Variants in GAL3ST2 observed in about 807,000 individuals in gnomAD.
The protein encoded by GAL3ST2 is galactose-3-O-sulfotransferase 2.
GAL3ST2 carries 16 observed loss-of-function variants against 12.9 expected under a neutral mutation model. The observed-to-expected ratio is 1.24, with a 90% CI of 0.84 to 1.88. The LOEUF (loss-of-function observed/expected upper bound fraction) is 1.88. Among genes scored for constraint, GAL3ST2 ranks in the 40% most tolerant of loss-of-function variants. The pLI, the probability that GAL3ST2 is intolerant of heterozygous loss-of-function variation, is 0.00. For missense variants in GAL3ST2, 639 were observed against 571.8 expected, an observed-to-expected ratio of 1.12 and a Z score of -1.20; for synonymous variants, 302 against 273.9, an observed-to-expected ratio of 1.10 and a Z score of -1.01.
chr2:241,789,078 G>A (rs1231204635), intron 1 of GAL3ST2, among the ~76,000 whole-genome samples: 1 of 152,152 alleles, frequency 6.6e-6, no homozygotes, highest in African/African-American at 2.4e-5. Context: ...TTTACATTAA[G>A]GAAAAAAGAG....
rs771405587 is a variant in GAL3ST2 at position 241,801,931 on chromosome 2, C to T, written c.270C>T (p.Val90=). 3.7e-6 allele frequency: 6 copies of T among 1,613,028 alleles called. No individual in the cohort carries two copies. In the Admixed American group the frequency reaches 1.0e-4, roughly 27 times the overall value. ...LSVALPAGSR[V]HLGYPWLFLA... Reference sequence around the variant, plus strand: ...TGGCGCTGCCCGCCGGCTCACGCGTCCACCTGGGCTACCCCTGGCTCTTCC... The same window carrying T: ...TGGCGCTGCCCGCCGGCTCACGCGTTCACCTGGGCTACCCCTGGCTCTTCC... Residue 90 remains valine (V), a synonymous_variant, in exon 3 of 4, where the codon GTC becomes GTT. Coordinates refer to ENST00000192314, the MANE Select transcript of GAL3ST2 (RefSeq NM_022134.3). This position sits in a 1 kb window ranked among gnomAD's most constrained non-coding sequence, Gnocchi z 4.4.
chr2:241,803,665 G>A lies in GAL3ST2; in HGVS notation c.696G>A (p.Glu232=), dbSNP rs780111698. The part of the protein sequence containing the change: ...RLVLIAEHLD[E]SLVLLRRRLR... Reference sequence around the variant, plus strand: ...TGCTCATCGCCGAGCACCTGGACGAGTCCCTGGTGCTGCTGCGGCGCCGGC... The same window carrying A: ...TGCTCATCGCCGAGCACCTGGACGAATCCCTGGTGCTGCTGCGGCGCCGGC... Residue 232 remains glutamate, a synonymous_variant, in exon 4 of 4, where the codon GAG becomes GAA. Coordinates refer to ENST00000192314, the MANE Select transcript of GAL3ST2 (RefSeq NM_022134.3). 1.3e-6 allele frequency: 2 copies of A among 1,549,158 alleles called. No individual in the cohort carries two copies. Among genetic ancestry groups the A allele is most frequent in the Admixed American group, 3.9e-5 (2 of 50,954 alleles).
intron 1 of GAL3ST2, among the ~76,000 whole-genome samples, chr2:241,779,012 A>G (rs1699529049): frequency 6.6e-6 from 1 of 151,132 alleles, no homozygotes; most frequent in African/African-American, 2.4e-5. Context: ...TCCCAGCTAG[A>G]CTCCTCCCTT....
In GAL3ST2 at chr2:241,801,971, G is replaced by A; in HGVS notation, c.310G>A (p.Glu104Lys). The change falls in exon 3 of 4, where the codon GAA (glutamate) becomes AAA (lysine). Residue 104 changes from glutamate to lysine, a missense_variant. Physicochemically the swap from Glu to Lys is moderately conservative, Grantham distance 56. Coordinates refer to ENST00000192314, the MANE Select transcript of GAL3ST2 (RefSeq NM_022134.3). This position sits in a 1 kb window ranked among gnomAD's most constrained non-coding sequence, Gnocchi z 4.4. ...YPWLFLARYV[E>K]GVGSQQRFNI... Reference sequence around the variant, plus strand: ...CTGGCTCTTCCTGGCGCGCTACGTGGAAGGCGTGGGGTCGCAGCAGCGCTT... The same window carrying A: ...CTGGCTCTTCCTGGCGCGCTACGTGAAAGGCGTGGGGTCGCAGCAGCGCTT... 1.2e-6 allele frequency: 2 copies of A among 1,612,992 alleles called. No homozygotes were observed. The highest frequency in any genetic ancestry group is 1.7e-6 in the Non-Finnish European group (2 of 1,179,934).
intron 1 of GAL3ST2, among the ~76,000 whole-genome samples, chr2:241,785,547 C>T (rs539373751): frequency 7.2e-6 from 1 of 139,242 alleles, no homozygotes; most frequent in East Asian, 2.1e-4. Context: ...GATGAAACTC[C>T]GTCTCAAAAA....
rs1699830360 is a variant in GAL3ST2, at chr2:241,800,563, G to A, written c.120-1218G>A. On this transcript the variant is annotated intron_variant, in intron 2 of 3. Coordinates refer to ENST00000192314, the MANE Select transcript of GAL3ST2 (RefSeq NM_022134.3). This position sits in a 1 kb window ranked among gnomAD's most constrained non-coding sequence, Gnocchi z 5.2. ...ACTGCGTTACAATCAGGCCCTGCAC[G>A]TCAGAAGGTGGAGCCGGGACGGGAA... Among the ~76,000 whole-genome samples the A allele has an allele frequency of 2.6e-5, 4 of 152,200 alleles. No individual in the cohort carries two copies. In the South Asian group the frequency reaches 6.2e-4, roughly 24 times the overall value.
rs1209077667 is a variant in GAL3ST2 at position 241,802,968 on chromosome 2, G to A, written c.376-377G>A. Among the ~76,000 whole-genome samples the A allele has an allele frequency of 6.6e-6, 1 of 151,902 alleles. No homozygotes were observed. Among genetic ancestry groups the A allele is most frequent in the Non-Finnish European group, 1.5e-5 (1 of 67,928 alleles). On this transcript the variant is annotated intron_variant, in intron 3 of 3. Transcript: ENST00000192314. The surrounding 1 kb of genome is among the most constrained non-coding windows in gnomAD (Gnocchi z 4.8). ...GAAGCCCCCTGTGCCAGGGGCCCGT[G>A]GAGGGCCCTTCGTGCTGTCTGTGCG...
Position 241,801,917 on chromosome 2 carries a change from G to A in GAL3ST2, c.256G>A (p.Ala86Thr). 7 of 1,612,974 alleles carry A rather than the reference G, an allele frequency of 4.3e-6. No individual in the cohort carries two copies. Among genetic ancestry groups the A allele is most frequent in the Non-Finnish European group, 5.1e-6 (6 of 1,179,944 alleles). ...CCACAACCTGTCCGTGGCGCTGCCC[G>A]CCGGCTCACGCGTCCACCTGGGCTA... ...ETHNLSVALP[A>T]GSRVHLGYPW... Residue 86 changes from alanine to threonine, a missense_variant, in exon 3 of 4, where the codon GCC (alanine) becomes ACC (threonine). By Grantham distance (58) the Ala-to-Thr change is moderately conservative. Coordinates refer to ENST00000192314, the MANE Select transcript of GAL3ST2 (RefSeq NM_022134.3). This position sits in a 1 kb window ranked among gnomAD's most constrained non-coding sequence, Gnocchi z 4.4.
chr2:241,803,329 C>G lies in GAL3ST2; in HGVS notation c.376-16C>G, dbSNP rs773127369. On this transcript the variant is annotated splice_polypyrimidine_tract_variant and intron_variant, in intron 3 of 3. Transcript: ENST00000192314. ...TGGGCCCGCGGTCCGCAGCCCGCCTCTCTGTCGCCACACAGGTGCAGAAAG... is the reference window on the plus strand; with the variant it reads ...TGGGCCCGCGGTCCGCAGCCCGCCTGTCTGTCGCCACACAGGTGCAGAAAG... The G allele has an allele frequency of 1.3e-6, 2 of 1,574,610 alleles. No individual in the cohort carries two copies. The highest frequency in any genetic ancestry group is 2.3e-5 in the South Asian group (2 of 85,882).
intron 1 of GAL3ST2, among the ~76,000 whole-genome samples, chr2:241,794,362 G>T (rs959870431): frequency 6.6e-6 from 1 of 152,198 alleles, no homozygotes; most frequent in Non-Finnish European, 1.5e-5. Context: ...AGCTCACCGG[G>T]TTGTGCTTGC....
chr2:241,787,660 A>G (rs1699645320), intron 1 of GAL3ST2, among the ~76,000 whole-genome samples: 1 of 151,716 alleles, frequency 6.6e-6, no homozygotes, highest in African/African-American at 2.4e-5. Flanking sequence ...TCCAACAGAG[A>G]AGATGAGTTT....
At position 241,795,379 on chromosome 2, in the gene GAL3ST2, G is replaced by A. The variant is rs181502704; in HGVS notation, c.30-3686G>A. On this transcript the variant is annotated intron_variant, in intron 1 of 3. Transcript: ENST00000192314. The surrounding 1 kb of genome is among the most constrained non-coding windows in gnomAD (Gnocchi z 4.5). ...GATTCATGCTGCCGCAAGGCCAAGG[G>A]GGGTATTGTAAGTGTGAAAGCAGCA... 5.9e-5 allele frequency among the ~76,000 whole-genome samples: 9 copies of A among 152,334 alleles called. No individual in the cohort carries two copies. The highest frequency in any genetic ancestry group is 6.5e-5 in the Admixed American group (1 of 15,298).
rs1023212761 is a variant in GAL3ST2 at position 241,801,697 on chromosome 2, C to A, written c.120-84C>A. Reference sequence around the variant, plus strand: ...GCTCAGGTTGGGAGGTCTCTCCTTGCGGTTGCCGGGCTGGGGGTCGCTGTT... The same window carrying A: ...GCTCAGGTTGGGAGGTCTCTCCTTGAGGTTGCCGGGCTGGGGGTCGCTGTT... On this transcript the variant is annotated intron_variant, in intron 2 of 3. Coordinates refer to ENST00000192314, the MANE Select transcript of GAL3ST2 (RefSeq NM_022134.3). This position sits in a 1 kb window ranked among gnomAD's most constrained non-coding sequence, Gnocchi z 4.4. 32 of 1,504,126 alleles carry A rather than the reference C, an allele frequency of 2.1e-5. No individual in the cohort carries two copies. The highest frequency in any genetic ancestry group is 2.6e-5 in the Non-Finnish European group (29 of 1,131,272). The allele number at this position is 1,504,126 out of a possible 1,614,324, so 93.2% of individuals were successfully genotyped here.
rs980936375 is a variant in GAL3ST2 at position 241,802,312 on chromosome 2, C to T, written c.375+276C>T. 2.0e-5 allele frequency among the ~76,000 whole-genome samples: 3 copies of T among 152,214 alleles called. No individual in the cohort carries two copies. Among genetic ancestry groups the T allele is most frequent in the African/African-American group, 7.2e-5 (3 of 41,464 alleles). On this transcript the variant is annotated intron_variant, in intron 3 of 3. Transcript: ENST00000192314. This position sits in a 1 kb window ranked among gnomAD's most constrained non-coding sequence, Gnocchi z 4.8. ...AGCGCTCCCCCGCTTCTCTGGCCTC[C>T]TAGTTGTGCACAGGCCCGGCTCTCC...
intron 1 of GAL3ST2, among the ~76,000 whole-genome samples, chr2:241,796,378 A>G (rs1699772120): frequency 2.6e-5 from 4 of 152,084 alleles, no homozygotes; most frequent in Admixed American, 2.0e-4. Context: ...GACCTGGGCC[A>G]GGAGACGTAC....
At chr2:241,777,741 C>T (rs559027925) in intron 1 of GAL3ST2, among the ~76,000 whole-genome samples, 15 of 152,142 alleles carry the variant, frequency 9.9e-5, no homozygotes, top group Non-Finnish European at 1.9e-4. Flanking sequence ...GGTGTGGGGC[C>T]GGCTGCCTGG....
At chr2:241,798,807 G>A (rs756496887) in intron 1 of GAL3ST2, among the ~76,000 whole-genome samples, 36 of 152,192 alleles carry the variant, frequency 2.4e-4, no homozygotes, top group Non-Finnish European at 5.0e-4. Context: ...CCAGGGAAAG[G>A]GATGGCTCAT....
Position 241,795,471 on chromosome 2 carries a change from C to T in GAL3ST2, c.30-3594C>T, listed in dbSNP as rs903469933. On this transcript the variant is annotated intron_variant, in intron 1 of 3. Coordinates refer to ENST00000192314, the MANE Select transcript of GAL3ST2 (RefSeq NM_022134.3). The surrounding 1 kb of genome is among the most constrained non-coding windows in gnomAD (Gnocchi z 4.5). ...GGCTATAAAAGTGCAGAGTGAGGGGCCATAAAGGTGCAGGGTGTTTGAGGA... is the reference window on the plus strand; with the variant it reads ...GGCTATAAAAGTGCAGAGTGAGGGGTCATAAAGGTGCAGGGTGTTTGAGGA... 7.2e-5 allele frequency among the ~76,000 whole-genome samples: 11 copies of T among 152,158 alleles called. No individual in the cohort carries two copies. Among genetic ancestry groups the T allele is most frequent in the Non-Finnish European group, 1.5e-4 (10 of 68,030 alleles).
chr2:241,794,189 C>CAA (rs1699741828), intron 1 of GAL3ST2, among the ~76,000 whole-genome samples: 1 of 152,184 alleles, frequency 6.6e-6, no homozygotes, highest in African/African-American at 2.4e-5. Flanking sequence ...CTCAATTGAT[C>CAA]TTCTCACCTC....
Sources: gnomAD v4.1 joint callset for allele counts (sites outside exome capture counted in the v4.1 genomes callset) on GRCh38, gnomAD v4.1.1 for gene constraint, Gnocchi (gnomAD v3.1) non-coding constraint, MANE v1.5 for transcripts, NCBI Gene and HGNC (gene_info 2026-07-23, HGNC 2026-07-21) for gene names.